Variants in FAM111B observed in about 807,000 individuals in gnomAD.
The protein encoded by FAM111B is serine protease FAM111B.
Under a neutral mutation model 2.8 loss-of-function variants are expected in FAM111B, and 1 was observed. That is an observed-to-expected ratio of 0.36 (90% CI 0.13 to 1.70). The LOEUF (loss-of-function observed/expected upper bound fraction) is 1.70. Ranked by LOEUF, FAM111B falls within the 40% of genes most tolerant of loss-of-function variation. FAM111B has a pLI of 0.35. For missense variants in FAM111B, 882 were observed against 878.9 expected (o/e 1.00, Z -0.04); for synonymous variants, 297 against 295.6 (o/e 1.00, Z -0.05).
At chr11:59,117,901 A>G (rs190209170) in intron 3 of FAM111B, among the ~76,000 whole-genome samples, 3 of 152,354 alleles carry the variant, frequency 2.0e-5, no homozygotes, top group Admixed American at 2.0e-4. Context: ...AGAAGCAACG[A>G]AAGCATAGAT....
chr11:59,107,839 T>A (rs1859689136), intron 1 of FAM111B, among the ~76,000 whole-genome samples: 1 of 152,136 alleles, frequency 6.6e-6, no homozygotes, highest in South Asian at 2.1e-4. Context: ...CAGATTGAGG[T>A]ATGGTAATCA....
In FAM111B at chr11:59,124,937, TAAAA is replaced by T. The variant is rs766832243; in HGVS notation, c.844_847del (p.Lys282LeufsTer16). 1 of 1,604,568 alleles carries T rather than the reference TAAAA, an allele frequency of 6.2e-7. No homozygotes were observed. The highest frequency in any genetic ancestry group is 1.1e-5 in the South Asian group (1 of 88,448). On this transcript the variant is annotated frameshift_variant, in exon 4 of 4. Coordinates refer to ENST00000343597, the MANE Select transcript of FAM111B (RefSeq NM_198947.4). LOFTEE classifies it low-confidence loss of function (END_TRUNC). ...AAGCATTACAACAGAAAGATATCCATAAAAAAATTAAACAGAATGAAAGTGCCAC... is the reference window on the plus strand; with the variant it reads ...AAGCATTACAACAGAAAGATATCCATAAATTAAACAGAATGAAAGTGCCAC...
chr11:59,115,313 C>G (rs1284634951), intron 3 of FAM111B, among the ~76,000 whole-genome samples: 1 of 152,212 alleles, frequency 6.6e-6, no homozygotes, highest in African/African-American at 2.4e-5. Context: ...AGGTTCTGTG[C>G]TGTTCCAGAA....
intron 1 of FAM111B, among the ~76,000 whole-genome samples, chr11:59,108,368 G>A (rs570446060): frequency 2.0e-5 from 3 of 152,274 alleles, no homozygotes; most frequent in Admixed American, 6.5e-5. Context: ...TGCTTTAGGG[G>A]AACCCTCTTC....
intron 3 of FAM111B, among the ~76,000 whole-genome samples, chr11:59,120,459 G>A (rs976138781): frequency 1.3e-5 from 2 of 152,160 alleles, no homozygotes; most frequent in African/African-American, 4.8e-5. Flanking sequence ...TCTTAGAAAA[G>A]TCCAGACTAT....
Position 59,124,745 on chromosome 11 carries a change from G to A in FAM111B, c.648G>A (p.Leu216=), listed in dbSNP as rs1292937249. The part of the protein sequence containing the change: ...EKGSKLCIYA[L]KGETIEGALC... ...GAAGTAAACTTTGTATTTATGCCTT[G>A]AAGGGTGAGACTATTGAAGGAGCCT... Residue 216 remains leucine, a synonymous_variant, in exon 4 of 4, where the codon TTG becomes TTA. Coordinates refer to ENST00000343597, the MANE Select transcript of FAM111B (RefSeq NM_198947.4). 1 of 1,613,814 alleles carries A rather than the reference G, an allele frequency of 6.2e-7. No homozygotes were observed. The highest frequency in any genetic ancestry group is 8.5e-7 in the Non-Finnish European group (1 of 1,179,802).
chr11:59,118,277 G>T (rs151306462), intron 3 of FAM111B, among the ~76,000 whole-genome samples: 57 of 152,222 alleles, frequency 3.7e-4, no homozygotes, highest in Non-Finnish European at 6.8e-4. Context: ...CTGCCTCCAG[G>T]TCCTGTTCTT....
At chr11:59,112,838 G>C (rs1362510471) in intron 3 of FAM111B, among the ~76,000 whole-genome samples, 17 of 152,156 alleles carry the variant, frequency 1.1e-4, no homozygotes, top group Non-Finnish European at 2.2e-4. Context: ...ATACTTGTTA[G>C]TTATTGCTGA....
chr11:59,109,816 T>C, intron 3 of FAM111B, 110 bp downstream of exon 3: 3 of 605,090 alleles, frequency 5.0e-6, no homozygotes, highest in South Asian at 3.2e-5. Context: ...GCCCTTCTCT[T>C]AGGTAGTTTA....
chr11:59,124,778 G>A lies in FAM111B; in HGVS notation c.681G>A (p.Lys227=), dbSNP rs767229235. The change falls in exon 4 of 4, where the codon AAG becomes AAA. Residue 227 remains lysine, a synonymous_variant. Coordinates refer to ENST00000343597, the MANE Select transcript of FAM111B (RefSeq NM_198947.4). ...KGETIEGALC[K]DGRFRSDIGE... ...AGACTATTGAAGGAGCCTTATGCAA[G>A]GATGGCCGTTTTCGGTCTGACATAG... 1 of 1,613,866 alleles carries A rather than the reference G, an allele frequency of 6.2e-7. No individual in the cohort carries two copies. Among genetic ancestry groups the A allele is most frequent in the Admixed American group, 1.7e-5 (1 of 59,990 alleles).
At chr11:59,120,066 T>C (rs1291723004) in intron 3 of FAM111B, among the ~76,000 whole-genome samples, 4 of 152,210 alleles carry the variant, frequency 2.6e-5, no homozygotes, top group African/African-American at 7.2e-5. Flanking sequence ...AAAATTATTT[T>C]ATAATGCCTA....
Position 59,124,179 on chromosome 11 carries a change from G to A in FAM111B, c.82G>A (p.Asp28Asn), listed in dbSNP as rs762038298. Residue 28 changes from aspartate to asparagine, a missense_variant and splice_region_variant, in exon 4 of 4, where the codon GAT (aspartate) becomes AAT (asparagine). Coordinates refer to ENST00000343597, the MANE Select transcript of FAM111B (RefSeq NM_198947.4). Reference protein sequence around the residue: ...DQRTRPEVSKDTVMKQTHADT... With the variant: ...DQRTRPEVSKNTVMKQTHADT... ...ACCTCTTTAATCTTTCCTTTTTAAG[G>A]ATACTGTCATGAAGCAGACACATGC... 6.3e-7 allele frequency: 1 copy of A among 1,588,824 alleles called. No individual in the cohort carries two copies.
intron 3 of FAM111B, among the ~76,000 whole-genome samples, chr11:59,122,246 A>G: frequency 6.6e-6 from 1 of 152,244 alleles, no homozygotes; most frequent in East Asian, 1.9e-4. Context: ...AAAATGAAAC[A>G]GTGTACTATT....
At chr11:59,116,287 ACT>A (rs752745288) in intron 3 of FAM111B, among the ~76,000 whole-genome samples, 5 of 151,958 alleles carry the variant, frequency 3.3e-5, no homozygotes, top group Admixed American at 6.6e-5. Context: ...CTGATTCAAA[ACT>A]CTTTTATTCT....
Position 59,124,503 on chromosome 11 carries a change from A to T in FAM111B, c.406A>T (p.Thr136Ser). The T allele has an allele frequency of 6.2e-7, 1 of 1,613,498 alleles. No homozygotes were observed. The highest frequency in any genetic ancestry group is 8.5e-7 in the Non-Finnish European group (1 of 1,179,706). Residue 136 changes from threonine (T) to serine (S), a missense_variant, in exon 4 of 4, where the codon ACA (threonine) becomes TCA (serine). Thr to Ser is a moderately conservative substitution (Grantham distance 58, BLOSUM62 1). Coordinates refer to ENST00000343597, the MANE Select transcript of FAM111B (RefSeq NM_198947.4). ...GAACATTATTGTTTATGAAGAAAAGACAATAGATGGACATATAAATTTAGG... is the reference window on the plus strand; with the variant it reads ...GAACATTATTGTTTATGAAGAAAAGTCAATAGATGGACATATAAATTTAGG... ...NKNIIVYEEKTIDGHINLGMP... is the reference protein window; with the variant it reads ...NKNIIVYEEKSIDGHINLGMP...
Position 59,125,354 on chromosome 11 carries a change from A to G in FAM111B, c.1257A>G (p.Glu419=). The G allele has an allele frequency of 2.5e-6, 4 of 1,614,010 alleles. No individual in the cohort carries two copies. Among genetic ancestry groups the G allele is most frequent in the Non-Finnish European group, 3.4e-6 (4 of 1,179,860 alleles). Residue 419 remains glutamate, a synonymous_variant, in exon 4 of 4, where the codon GAA becomes GAG. Transcript: ENST00000343597. The stretch of plus-strand genomic sequence containing the variant: ...GGGTAAGAAAATATTTTCGGGAAGA[A>G]CAAAAGAGAATGAATCTTTCACCAG... ...AQWVRKYFRE[E]QKRMNLSPAK... is the part of the protein sequence containing the mutation.
Position 59,125,960 on chromosome 11 carries a change from C to A in FAM111B, c.1863C>A (p.Tyr621Ter). ...TCTATGATACCACCAGTAATGTATACTGTATGTTTACCCAAAGAAGTTTCC... is the reference window on the plus strand; with the variant it reads ...TCTATGATACCACCAGTAATGTATAATGTATGTTTACCCAAAGAAGTTTCC... ...VDLYDTTSNV[Y>*]CMFTQRSFLS... The change falls in exon 4 of 4, where the codon TAC becomes TAA. Residue 621 changes from tyrosine (Y) to a stop codon, truncating the protein, a stop_gained. Coordinates refer to ENST00000343597, the MANE Select transcript of FAM111B (RefSeq NM_198947.4). LOFTEE classifies it low-confidence loss of function (END_TRUNC). 3.7e-6 allele frequency: 6 copies of A among 1,613,786 alleles called. No homozygotes were observed. The highest frequency in any genetic ancestry group is 3.3e-4 in the Middle Eastern group (2 of 6,060).
intron 3 of FAM111B, among the ~76,000 whole-genome samples, chr11:59,121,958 A>G (rs4939257): frequency 0.7 from 106,643 of 151,880 alleles, 38,300 homozygotes; most frequent in African/African-American, 0.84. Flanking sequence ...GCCTGGCCAA[A>G]ATGGTGAAAC....
chr11:59,123,001 A>G (rs191637199), intron 3 of FAM111B, among the ~76,000 whole-genome samples: 21 of 152,292 alleles, frequency 1.4e-4, no homozygotes, highest in African/African-American at 1.9e-4. Flanking sequence ...TTGTCATATA[A>G]TATTTTTTAC....
Sources: gnomAD v4.1 joint callset for allele counts (sites outside exome capture counted in the v4.1 genomes callset) on GRCh38, gnomAD v4.1.1 for gene constraint, MANE v1.5 for transcripts, NCBI Gene and HGNC (gene_info 2026-07-23, HGNC 2026-07-21) for gene names.